The following CPS1 variants were observed in gnomAD, a reference collection of about 807,000 sequenced individuals.
The protein encoded by CPS1 is carbamoyl-phosphate synthase [ammonia], mitochondrial.
CPS1 carries 109 observed loss-of-function variants against 174.6 expected under a neutral mutation model. The ratio of observed to expected loss-of-function variants is 0.62; its 90% CI spans 0.53 to 0.73. The LOEUF is 0.73. Among genes scored for constraint, CPS1 ranks in the 30% least tolerant of loss-of-function variants. CPS1 has a pLI of 0.00. For missense variants in CPS1, 1,689 were observed against 1,821.9 expected (o/e 0.93, Z 1.33); for synonymous variants, 637 against 632.0 (o/e 1.01, Z -0.12).
upstream of CPS1, among the ~76,000 whole-genome samples, chr2:210,555,097 G>A (rs985348361): frequency 1.3e-5 from 2 of 151,916 alleles, no homozygotes; most frequent in African/African-American, 4.8e-5. Flanking sequence ...AACATTTTAA[G>A]GCATACTAAG....
intron 1 of CPS1, among the ~76,000 whole-genome samples, chr2:210,541,430 G>C (rs1311875282): frequency 1.3e-5 from 2 of 152,128 alleles, no homozygotes; most frequent in Non-Finnish European, 2.9e-5. Flanking sequence ...ATAAGTTAAA[G>C]CAATGGCCTC....
At chr2:210,553,069 A>C (rs1458252572), upstream of CPS1, among the ~76,000 whole-genome samples, 1 of 151,922 alleles carries the variant, frequency 6.6e-6, no homozygotes, top group East Asian at 1.9e-4. Context: ...CAATATTGAC[A>C]TGCATTGTAG....
Position 210,605,990 on chromosome 2 carries a change from C to A in CPS1, c.1982-741C>A, listed in dbSNP as rs75740077. On this transcript the variant is annotated intron_variant, in intron 17 of 37. Transcript: ENST00000233072. ...GAGTTAAGAGGAAAATCAGGTAGTACTGTACCAACTAAGCCAATGCAAGAA... is the reference window on the plus strand; with the variant it reads ...GAGTTAAGAGGAAAATCAGGTAGTAATGTACCAACTAAGCCAATGCAAGAA... 1.4e-4 allele frequency among the ~76,000 whole-genome samples: 22 copies of A among 151,998 alleles called. No individual in the cohort carries two copies. In the East Asian group the frequency reaches 4.3e-3, roughly 30 times the overall value.
chr2:210,670,503 AG>A (rs1701264912), intron 34 of CPS1, among the ~76,000 whole-genome samples: 1 of 152,132 alleles, frequency 6.6e-6, no homozygotes, highest in Non-Finnish European at 1.5e-5. Flanking sequence ...TAAAGTAATT[AG>A]GGTTCCATAT....
At chr2:210,514,610 A>G (rs1695623161) in intron 1 of CPS1, among the ~76,000 whole-genome samples, 1 of 152,082 alleles carries the variant, frequency 6.6e-6, no homozygotes, top group Non-Finnish European at 1.5e-5. Flanking sequence ...GCATAGAATC[A>G]TATAATCAGT....
intron 5 of CPS1, 37 bp downstream of exon 5, chr2:210,579,807 C>T (rs778964445): frequency 1.9e-5 from 28 of 1,508,118 alleles, no homozygotes; most frequent in South Asian, 9.0e-5. Flanking sequence ...TATGTTTCTT[C>T]GGGTGTGTGT....
chr2:210,665,532 G>A (rs1035792812), intron 33 of CPS1, among the ~76,000 whole-genome samples: 2 of 141,260 alleles, frequency 1.4e-5, no homozygotes, highest in African/African-American at 5.3e-5. Context: ...GTGTCCATGT[G>A]TTCCCATTGT....
intron 1 of CPS1, among the ~76,000 whole-genome samples, chr2:210,510,608 T>C (rs570512139): frequency 2.0e-5 from 3 of 152,272 alleles, no homozygotes; most frequent in African/African-American, 7.2e-5. Flanking sequence ...ACCTACAGAA[T>C]GGGACAAAAT....
At chr2:210,510,733 C>T (rs1184452664) in intron 1 of CPS1, among the ~76,000 whole-genome samples, 11 of 152,146 alleles carry the variant, frequency 7.2e-5, no homozygotes, top group African/African-American at 2.2e-4. Context: ...TATGAACAGA[C>T]GCTTCTCAAA....
chr2:210,554,664 G>A (rs1348848068), upstream of CPS1, among the ~76,000 whole-genome samples: 1 of 151,808 alleles, frequency 6.6e-6, no homozygotes, highest in Non-Finnish European at 1.5e-5. Flanking sequence ...ATTAGTGGGT[G>A]CAGCACACCA....
chr2:210,651,695 A>G (rs1700563581), intron 28 of CPS1, among the ~76,000 whole-genome samples: 1 of 152,176 alleles, frequency 6.6e-6, no homozygotes, highest in South Asian at 2.1e-4. Context: ...CCAAAGTTTA[A>G]TAATAGAGAT....
intron 17 of CPS1, 38 bp downstream of exon 17, chr2:210,605,284 CA>C (rs1390267091): frequency 5.6e-6 from 9 of 1,608,262 alleles, no homozygotes; most frequent in Non-Finnish European, 6.8e-6. Flanking sequence ...GTAATGCTTT[CA>C]GTTCATGTCT....
chr2:210,593,051 G>A (rs1392326465), intron 11 of CPS1, 95 bp downstream of exon 11: 7 of 1,079,080 alleles, frequency 6.5e-6, no homozygotes, highest in Non-Finnish European at 1.0e-5. Context: ...AGATGATCTT[G>A]AGCAGAACAT....
intron 1 of CPS1, among the ~76,000 whole-genome samples, chr2:210,511,797 C>G (rs1445664767): frequency 6.6e-6 from 1 of 152,036 alleles, no homozygotes; most frequent in Non-Finnish European, 1.5e-5. Flanking sequence ...AGACTAAACT[C>G]AAAACTGACT....
chr2:210,613,558 A>ATC (rs1559107232), intron 20 of CPS1, among the ~76,000 whole-genome samples: 1 of 150,210 alleles, frequency 6.7e-6, no homozygotes, highest in African/African-American at 2.4e-5. Flanking sequence ...TGACATTCAT[A>ATC]TGTGTGTGTG....
rs948265442 is a variant in CPS1 at position 210,559,010 on chromosome 2, C to T, written c.126+2151C>T. 8.5e-5 allele frequency among the ~76,000 whole-genome samples: 13 copies of T among 152,164 alleles called. No individual in the cohort carries two copies. The East Asian group carries it at 2.5e-3, about 29-fold the overall frequency. On this transcript the variant is annotated intron_variant, in intron 1 of 37. Coordinates refer to ENST00000233072, the MANE Select transcript of CPS1 (RefSeq NM_001875.5). ...AACTTCACAATAGTGAATTAAAATT[C>T]CATAGAACAGCCCAAGGGGACTTGT...
chr2:210,605,060 GC>G, intron 16 of CPS1, 41 bp from the exon 17 acceptor site: 1 of 1,609,698 alleles, frequency 6.2e-7, no homozygotes, highest in East Asian at 2.2e-5. Flanking sequence ...TGAAGCCAGT[GC>G]TTTTTCTTAC....
chr2:210,630,313 A>G (rs1350392555), intron 21 of CPS1, among the ~76,000 whole-genome samples: 1 of 152,192 alleles, frequency 6.6e-6, no homozygotes, highest in Non-Finnish European at 1.5e-5. Flanking sequence ...GCAAAAAAGA[A>G]CAGGAAATTC....
intron 1 of CPS1, among the ~76,000 whole-genome samples, chr2:210,523,520 A>G (rs1695884007): frequency 6.6e-6 from 1 of 151,830 alleles, no homozygotes; most frequent in Non-Finnish European, 1.5e-5. Context: ...CCGAGTCTCC[A>G]GTGTCTTTTA....
Sources: gnomAD v4.1 joint callset for allele counts (sites outside exome capture counted in the v4.1 genomes callset) on GRCh38, gnomAD v4.1.1 for gene constraint, MANE v1.5 for transcripts, NCBI Gene and HGNC (gene_info 2026-07-23, HGNC 2026-07-21) for gene names.